Variants in PANX1 observed in about 807,000 individuals in gnomAD.
The protein encoded by PANX1 is pannexin 1.
A neutral mutation model predicts 38.7 loss-of-function variants in PANX1; 30 were observed. The ratio of observed to expected loss-of-function variants is 0.78; its 90% CI spans 0.58 to 1.05. PANX1 has a LOEUF of 1.05. Ranked by LOEUF, PANX1 falls within the 50% of genes least tolerant of loss-of-function variation. PANX1 has a pLI of 0.00. For synonymous variants in PANX1, 230 were observed against 212.2 expected (o/e 1.08, Z -0.73); for missense variants, 551 against 517.2 (o/e 1.07, Z -0.63).
chr11:94,134,104 G>C (rs1057326979), intron 1 of PANX1, among the ~76,000 whole-genome samples: 1 of 152,208 alleles, frequency 6.6e-6, no homozygotes, highest in South Asian at 2.1e-4. Context: ...GTTATATTGC[G>C]TGTGCCTCAG....
At chr11:94,147,409 A>G (rs1946839600) in intron 1 of PANX1, among the ~76,000 whole-genome samples, 1 of 152,000 alleles carries the variant, frequency 6.6e-6, no homozygotes, top group African/African-American at 2.4e-5. Flanking sequence ...CAGTGGTGAC[A>G]TTTACATTGG....
intron 2 of PANX1, among the ~76,000 whole-genome samples, chr11:94,162,871 C>CTTT (rs59182320): frequency 9.3e-6 from 1 of 107,468 alleles, no homozygotes. Flanking sequence ...ACCAACCTCT[C>CTTT]TTTTTTTTTT....
In PANX1 at chr11:94,180,127, T is replaced by C; in HGVS notation, c.1071T>C (p.Ser357=). The C allele has an allele frequency of 6.2e-7, 1 of 1,614,064 alleles. No individual in the cohort carries two copies. The change falls in exon 4 of 5, where the codon AGT becomes AGC. Residue 357 remains serine, a synonymous_variant. Transcript: ENST00000227638. Reference sequence around the variant, plus strand: ...AGGTACTGGAGAATATTAAGAGCAGTGGTCAGGGGATCGACCCAATGCTAC... The same window carrying C: ...AGGTACTGGAGAATATTAAGAGCAGCGGTCAGGGGATCGACCCAATGCTAC... ...CLKVLENIKS[S]GQGIDPMLLL...
chr11:94,148,735 C>A (rs73512252), intron 1 of PANX1, among the ~76,000 whole-genome samples: 10,536 of 152,110 alleles, frequency 0.069, 1,081 homozygotes, highest in African/African-American at 0.22. Context: ...TGTTGTGTAA[C>A]TTAAAATCAT....
intron 1 of PANX1, among the ~76,000 whole-genome samples, chr11:94,130,027 A>G (rs1333951012): frequency 1.3e-5 from 2 of 152,214 alleles, no homozygotes; most frequent in Admixed American, 6.5e-5. Context: ...CATTAGAGGG[A>G]TCCTCAACTT....
intron 2 of PANX1, among the ~76,000 whole-genome samples, chr11:94,158,106 TCTGTTTTGGTAGCAGTACCATG>T (rs1946977220): frequency 6.6e-6 from 1 of 152,196 alleles, no homozygotes; most frequent in African/African-American, 2.4e-5. Context: ...GATCTATATC[TCTGTTTTGGTAGCAGTACCATG>T]CTGTTTTGGT....
At chr11:94,144,130 C>G (rs2134483562) in intron 1 of PANX1, among the ~76,000 whole-genome samples, 1 of 152,164 alleles carries the variant, frequency 6.6e-6, no homozygotes, top group East Asian at 1.9e-4. Flanking sequence ...TTGTTCTAAC[C>G]CTTCTTCTAC....
chr11:94,156,716 GT>G (rs201531673), intron 2 of PANX1, among the ~76,000 whole-genome samples: 10,794 of 143,968 alleles, frequency 0.075, 1,117 homozygotes, highest in African/African-American at 0.23. Context: ...TATTTTTCTC[GT>G]TTTTTTTTTT....
chr11:94,137,958 T>C (rs1386052819), intron 1 of PANX1, among the ~76,000 whole-genome samples: 1 of 143,144 alleles, frequency 7.0e-6, no homozygotes, highest in Non-Finnish European at 1.5e-5. Flanking sequence ...TGGAATGTTG[T>C]GCACGTGTCA....
chr11:94,132,439 G>C (rs1427004256), intron 1 of PANX1, among the ~76,000 whole-genome samples: 1 of 152,186 alleles, frequency 6.6e-6, no homozygotes, highest in Admixed American at 6.5e-5. Flanking sequence ...CCAAGTGTGT[G>C]GAGCAGTGTT....
At chr11:94,156,875 A>C (rs1198517489) in intron 2 of PANX1, among the ~76,000 whole-genome samples, 21 of 137,168 alleles carry the variant, frequency 1.5e-4, no homozygotes, top group African/African-American at 2.5e-4. Context: ...ATCCCTCCCC[A>C]CTCCCCCCAC....
At chr11:94,158,101 A>G (rs1204169414) in intron 2 of PANX1, among the ~76,000 whole-genome samples, 3 of 152,040 alleles carry the variant, frequency 2.0e-5, no homozygotes, top group Non-Finnish European at 2.9e-5. Context: ...CCATTGATCT[A>G]TATCTCTGTT....
chr11:94,149,800 G>A, intron 1 of PANX1, among the ~76,000 whole-genome samples: 1 of 152,164 alleles, frequency 6.6e-6, no homozygotes, highest in Middle Eastern at 3.2e-3. Context: ...GTTGGACAGT[G>A]ATATCTTTGG....
chr11:94,136,716 C>T (rs1463802795), intron 1 of PANX1, among the ~76,000 whole-genome samples: 4 of 151,452 alleles, frequency 2.6e-5, no homozygotes, highest in Non-Finnish European at 5.9e-5. Context: ...TGCAGTGAGC[C>T]GAGATCGCGC....
chr11:94,177,967 G>A lies in PANX1; in HGVS notation c.322-402G>A, dbSNP rs769678952. Among the ~76,000 whole-genome samples the A allele has an allele frequency of 4.7e-5, 7 of 150,276 alleles. 1 individual carries two copies. In the South Asian group the frequency reaches 8.3e-4, roughly 18 times the overall value. On this transcript the variant is annotated intron_variant, in intron 2 of 4. Transcript: ENST00000227638. ...TCCAGAGTAGGGCAAAAATGGAGCCGTATGCCTTAGTTGCTTCTTAAAACC... is the reference window on the plus strand; with the variant it reads ...TCCAGAGTAGGGCAAAAATGGAGCCATATGCCTTAGTTGCTTCTTAAAACC...
intron 1 of PANX1, among the ~76,000 whole-genome samples, chr11:94,140,442 T>G (rs1946748415): frequency 6.6e-6 from 1 of 152,238 alleles, no homozygotes; most frequent in East Asian, 1.9e-4. Flanking sequence ...ACAGTGCTCA[T>G]TTTTTTGCAG....
At chr11:94,163,354 G>T (rs1393408283) in intron 2 of PANX1, among the ~76,000 whole-genome samples, 2 of 152,162 alleles carry the variant, frequency 1.3e-5, no homozygotes, top group Non-Finnish European at 2.9e-5. Flanking sequence ...GACACTAGCT[G>T]TGGGTTTGTT....
intron 1 of PANX1, among the ~76,000 whole-genome samples, chr11:94,132,164 C>T (rs1442911081): frequency 6.6e-6 from 1 of 152,142 alleles, no homozygotes; most frequent in African/African-American, 2.4e-5. Flanking sequence ...CATCATCAGA[C>T]CTTGCTAATT....
At chr11:94,147,789 T>C (rs1392941171) in intron 1 of PANX1, among the ~76,000 whole-genome samples, 1 of 152,180 alleles carries the variant, frequency 6.6e-6, no homozygotes, top group African/African-American at 2.4e-5. Flanking sequence ...CTCCATCTGG[T>C]GAGGGCAGTG....
Sources: allele counts gnomAD v4.1 joint callset (sites outside exome capture counted in the v4.1 genomes callset), GRCh38; gene constraint gnomAD v4.1.1; transcripts MANE v1.5; gene names NCBI Gene and HGNC (gene_info 2026-07-23, HGNC 2026-07-21).